HGD: variants seen among roughly 807,000 people sequenced by gnomAD.
HGD encodes homogentisate 1,2-dioxygenase.
HGD carries 61 observed loss-of-function variants against 60.8 expected under a neutral mutation model. The observed-to-expected ratio is 1.00, with a 90% CI of 0.82 to 1.24. HGD has a LOEUF of 1.24. Among genes scored for constraint, HGD ranks in the 50% most tolerant of loss-of-function variants. The probability of loss-of-function intolerance (pLI) is 0.00; values close to 1 mark genes in which losing one functional copy is unlikely to be tolerated. For missense variants in HGD, 542 were observed against 547.1 expected, an observed-to-expected ratio of 0.99 and a Z score of 0.09; for synonymous variants, 212 against 187.7, an observed-to-expected ratio of 1.13 and a Z score of -1.06.
intron 9 of HGD, 151 bp from the exon 10 acceptor site, chr3:120,644,594 G>A: frequency 2.6e-6 from 4 of 1,539,158 alleles, no homozygotes; most frequent in Non-Finnish European, 3.5e-6. Flanking sequence ...TTCCAGTCTG[G>A]TACCTTTTAG....
chr3:120,663,903 C>T (rs982314299), intron 4 of HGD, among the ~76,000 whole-genome samples: 7 of 151,802 alleles, frequency 4.6e-5, no homozygotes, highest in African/African-American at 1.7e-4. Flanking sequence ...GACTGCATTA[C>T]ACCATCAGCT....
At chr3:120,652,885 T>C (rs1369437848) in intron 4 of HGD, among the ~76,000 whole-genome samples, 1 of 152,272 alleles carries the variant, frequency 6.6e-6, no homozygotes, top group Non-Finnish European at 1.5e-5. Context: ...ACTATGTGAA[T>C]ATAAACTGCT....
At chr3:120,671,990 G>A (rs1708034968) in intron 3 of HGD, among the ~76,000 whole-genome samples, 1 of 151,892 alleles carries the variant, frequency 6.6e-6, no homozygotes, top group Non-Finnish European at 1.5e-5. Context: ...CCTGTTGGGG[G>A]GTGGGAGTTG....
At chr3:120,634,367 C>A (rs1040411442) in intron 12 of HGD, among the ~76,000 whole-genome samples, 3 of 152,106 alleles carry the variant, frequency 2.0e-5, no homozygotes, top group Non-Finnish European at 4.4e-5. Flanking sequence ...AGTAGCAATA[C>A]CATAGAGCAG....
chr3:120,640,727 G>A (rs180966079), intron 11 of HGD, among the ~76,000 whole-genome samples: 3 of 152,164 alleles, frequency 2.0e-5, no homozygotes, highest in South Asian at 4.2e-4. Context: ...ATCCTTTTTC[G>A]TGCTGTTTGT....
intron 4 of HGD, among the ~76,000 whole-genome samples, chr3:120,654,840 A>G (rs534158609): frequency 2.8e-4 from 43 of 152,290 alleles, no homozygotes; most frequent in African/African-American, 1.0e-3. Context: ...TTGGAGGCCA[A>G]GGTGGGTGGA....
intron 1 of HGD, among the ~76,000 whole-genome samples, chr3:120,676,634 G>C (rs905471845): frequency 1.3e-5 from 2 of 152,072 alleles, no homozygotes; most frequent in African/African-American, 4.8e-5. Context: ...TTTGTCGATT[G>C]ATTGAATTTT....
intron 2 of HGD, among the ~76,000 whole-genome samples, chr3:120,675,260 C>G (rs1708104995): frequency 6.6e-6 from 1 of 151,990 alleles, no homozygotes; most frequent in African/African-American, 2.4e-5. Context: ...GGTATTTTTC[C>G]TTGCATTCTT....
intron 10 of HGD, 137 bp downstream of exon 10, chr3:120,644,182 T>G: frequency 4.0e-6 from 4 of 990,980 alleles, no homozygotes; most frequent in Non-Finnish European, 6.4e-6. Context: ...CTAGAACTAT[T>G]TGCTTTATTT....
rs773324881 is a variant in HGD, at chr3:120,628,333, G to T, written c.*47C>A. Reference sequence around the variant, plus strand: ...CTACCAGAAAGCATGAGATTCTGAAGAAATCTTCACAAATCTACTCTTAAT... The same window carrying T: ...CTACCAGAAAGCATGAGATTCTGAATAAATCTTCACAAATCTACTCTTAAT... On this transcript the variant is annotated 3_prime_UTR_variant, in exon 14 of 14. Transcript: ENST00000283871. 5 of 1,596,476 alleles carry T rather than the reference G, an allele frequency of 3.1e-6. No homozygotes were observed. The Admixed American group carries it at 6.7e-5, about 21-fold the overall frequency.
chr3:120,635,193 C>A lies in HGD; in HGVS notation c.1007-1865G>T, dbSNP rs921841295. On this transcript the variant is annotated intron_variant, in intron 12 of 13. Transcript: ENST00000283871. Reference sequence around the variant, plus strand: ...CTTGCCTTTCTGATTAAAGCTGAATCTAGGCCGGGCTCAGTGGCTCACGCC... The same window carrying A: ...CTTGCCTTTCTGATTAAAGCTGAATATAGGCCGGGCTCAGTGGCTCACGCC... Among the ~76,000 whole-genome samples the A allele has an allele frequency of 5.3e-5, 8 of 152,192 alleles. No homozygotes were observed. The South Asian group carries it at 1.7e-3, about 32-fold the overall frequency.
At chr3:120,638,758 A>ATT (rs764394036) in intron 11 of HGD, among the ~76,000 whole-genome samples, 177 bp from the exon 12 acceptor site, 22 of 152,138 alleles carry the variant, frequency 1.4e-4, no homozygotes, top group Non-Finnish European at 1.0e-4. Flanking sequence ...ACATGGGTAT[A>ATT]TTGTGTGATA....
intron 3 of HGD, 121 bp from the exon 4 acceptor site, chr3:120,670,653 T>C: frequency 2.7e-6 from 2 of 736,316 alleles, no homozygotes; most frequent in East Asian, 2.5e-5. Flanking sequence ...TAGGCTCTAA[T>C]GTGTGAAGCA....
At chr3:120,674,044 A>C (rs1358970420) in intron 3 of HGD, among the ~76,000 whole-genome samples, 1 of 152,146 alleles carries the variant, frequency 6.6e-6, no homozygotes, top group East Asian at 1.9e-4. Flanking sequence ...GGTCCATTAT[A>C]GTTTTTTACT....
Position 120,641,631 on chromosome 3 carries a change from C to T in HGD, c.837G>A (p.Leu279=), listed in dbSNP as rs773158062. 8.7e-6 allele frequency: 14 copies of T among 1,613,844 alleles called. No individual in the cohort carries two copies. The highest frequency in any genetic ancestry group is 1.3e-5 in the African/African-American group (1 of 74,908). ...CTGAGTTGATAACCATGAAATTCTT[C>T]AGGTTGTACTTGTAGGGTGTATAAT... ...HGNYTPYKYN[L]KNFMVINSVA... Residue 279 remains leucine (L), a synonymous_variant, in exon 11 of 14, where the codon CTG becomes CTA. Coordinates refer to ENST00000283871, the MANE Select transcript of HGD (RefSeq NM_000187.4).
intron 4 of HGD, among the ~76,000 whole-genome samples, chr3:120,656,570 G>T (rs1224840818): frequency 6.6e-6 from 1 of 151,192 alleles, no homozygotes; most frequent in East Asian, 1.9e-4. Context: ...TTTTGGGGGG[G>T]GGTTGGAGTC....
At chr3:120,629,732 C>G (rs1003794320) in intron 13 of HGD, among the ~76,000 whole-genome samples, 2 of 152,176 alleles carry the variant, frequency 1.3e-5, no homozygotes, top group Non-Finnish European at 2.9e-5. Context: ...CAAGGATGCT[C>G]TCTCTCACCA....
chr3:120,646,027 T>A (rs1283333305), intron 9 of HGD, among the ~76,000 whole-genome samples: 1 of 152,182 alleles, frequency 6.6e-6, no homozygotes, highest in African/African-American at 2.4e-5. Context: ...ATCTATTACA[T>A]GCCGTCTTTA....
chr3:120,672,846 C>G (rs2107552258), intron 3 of HGD, among the ~76,000 whole-genome samples: 1 of 152,296 alleles, frequency 6.6e-6, no homozygotes, highest in East Asian at 1.9e-4. Context: ...TCTTAATCTT[C>G]TGAATTTTTA....
Sources: allele counts gnomAD v4.1 joint callset (sites outside exome capture counted in the v4.1 genomes callset), GRCh38; gene constraint gnomAD v4.1.1; transcripts MANE v1.5; gene names NCBI Gene and HGNC (gene_info 2026-07-23, HGNC 2026-07-21).